The following PODXL variants were observed in gnomAD, a reference collection of about 807,000 sequenced individuals.
PODXL encodes the protein podocalyxin like, also known as podocalyxin.
Under a neutral mutation model 48.9 loss-of-function variants are expected in PODXL, and 20 were observed. The observed-to-expected ratio is 0.41, with a 90% CI of 0.29 to 0.59. The LOEUF (loss-of-function observed/expected upper bound fraction) is 0.59. Among genes scored for constraint, PODXL ranks in the 20% least tolerant of loss-of-function variants. The pLI, the probability that PODXL is intolerant of heterozygous loss-of-function variation, is 0.31. For missense variants in PODXL, 606 were observed against 675.1 expected (o/e 0.90, Z 1.13); for synonymous variants, 295 against 287.4 (o/e 1.03, Z -0.27).
At chr7:131,523,016 T>C (rs1321533484) in intron 1 of PODXL, among the ~76,000 whole-genome samples, 1 of 152,368 alleles carries the variant, frequency 6.6e-6, no homozygotes, top group East Asian at 1.9e-4. Flanking sequence ...TATGTGGACA[T>C]GTTTTCAATT....
chr7:131,548,184 C>A (rs936157178), intron 1 of PODXL, among the ~76,000 whole-genome samples: 7 of 152,224 alleles, frequency 4.6e-5, no homozygotes, highest in Non-Finnish European at 1.0e-4. Context: ...AGCTGTGTTT[C>A]CTGAGAGCTG....
At chr7:131,508,706 G>A (rs1407434691) in intron 5 of PODXL, among the ~76,000 whole-genome samples, 4 of 122,620 alleles carry the variant, frequency 3.3e-5, no homozygotes, top group Admixed American at 9.3e-5. Context: ...CGAGGAAACC[G>A]GGGGGTGGGA....
At chr7:131,533,504 G>A (rs1464221074) in intron 1 of PODXL, among the ~76,000 whole-genome samples, 3 of 151,882 alleles carry the variant, frequency 2.0e-5, no homozygotes, top group African/African-American at 7.3e-5. Flanking sequence ...CCCTGGGCAG[G>A]AGAGGGCTGC....
intron 1 of PODXL, among the ~76,000 whole-genome samples, chr7:131,515,616 T>C (rs947588120): frequency 6.6e-6 from 1 of 152,212 alleles, no homozygotes; most frequent in Non-Finnish European, 1.5e-5. Flanking sequence ...TTAGCCAGGC[T>C]GGTCTCGAAC....
At chr7:131,555,843 G>A (rs899133853) in intron 1 of PODXL, among the ~76,000 whole-genome samples, 4 of 152,228 alleles carry the variant, frequency 2.6e-5, no homozygotes, top group African/African-American at 7.2e-5. Context: ...CTGCCTCTTT[G>A]CCTGGAATTA....
intron 1 of PODXL, among the ~76,000 whole-genome samples, chr7:131,525,160 C>G (rs1798160753): frequency 6.6e-6 from 1 of 152,160 alleles, no homozygotes; most frequent in Non-Finnish European, 1.5e-5. Context: ...GACTCTGCAT[C>G]TGTTGAAACC....
rs11277659 is a variant in PODXL at position 131,556,270 on chromosome 7, GGGCGACGGCGAC to G, written c.78_89del (p.Pro28_Ser31del). 10,694 of 1,462,636 alleles carry G rather than the reference GGGCGACGGCGAC, an allele frequency of 7.3e-3. 662 individuals carry two copies. In the African/African-American group the frequency reaches 0.13, roughly 18 times the overall value. The allele number at this position is 1,462,636 out of a possible 1,614,324, so 90.6% of individuals were successfully genotyped here. On this transcript the variant is annotated inframe_deletion, in exon 1 of 9. Coordinates refer to ENST00000378555, the MANE Select transcript of PODXL (RefSeq NM_001018111.3). Reference sequence around the variant, plus strand: ...AGGCCGGCCACTCACCATTCTGGGAGGGCGACGGCGACGGCGACGGCGACGACGGCAGCAGCG... The same window carrying G: ...AGGCCGGCCACTCACCATTCTGGGAGGGCGACGGCGACGACGGCAGCAGCG...
Position 131,502,740 on chromosome 7 carries a change from C to CTCAA in PODXL, c.*1567_*1570dup, listed in dbSNP as rs1797728125. 1 of 152,684 alleles carries CTCAA rather than the reference C, an allele frequency of 6.5e-6. No homozygotes were observed. Among genetic ancestry groups the CTCAA allele is most frequent in the African/African-American group, 2.4e-5 (1 of 41,450 alleles). The allele number at this position is 152,684 out of a possible 1,614,324, so 9.5% of individuals were successfully genotyped here. A position where few individuals can be genotyped will look rare whatever the true frequency, so the allele number is the denominator to read the frequency against. On this transcript the variant is annotated 3_prime_UTR_variant, in exon 9 of 9. Transcript: ENST00000378555. ...AACATTCCACACAGGATTCCCCCTT[C>CTCAA]TCAATCAGATGAAACCTCACCATGC... is the stretch of plus-strand genomic sequence containing the variant.
chr7:131,527,405 A>C (rs1798205521), intron 1 of PODXL, among the ~76,000 whole-genome samples: 1 of 152,232 alleles, frequency 6.6e-6, no homozygotes, highest in African/African-American at 2.4e-5. Context: ...GATGTTACTA[A>C]AATTTTACAG....
chr7:131,555,159 C>T (rs889272599), intron 1 of PODXL, among the ~76,000 whole-genome samples: 2 of 152,156 alleles, frequency 1.3e-5, no homozygotes, highest in Admixed American at 6.5e-5. Flanking sequence ...AGAGTCCAGT[C>T]CCAAACTGCC....
intron 1 of PODXL, among the ~76,000 whole-genome samples, chr7:131,517,100 T>A (rs1798010600): frequency 6.6e-6 from 1 of 152,184 alleles, no homozygotes; most frequent in African/African-American, 2.4e-5. Flanking sequence ...GGGATATTGT[T>A]AAGAGGACTA....
At position 131,524,404 on chromosome 7, in the gene PODXL, A is replaced by AGAGAGAGAGAGAGAGAGAGAGG. The variant is rs1231572850; in HGVS notation, c.101-12972_101-12971insCCTCTCTCTCTCTCTCTCTCTC. On this transcript the variant is annotated intron_variant, in intron 1 of 8. Transcript: ENST00000378555. Reference sequence around the variant, plus strand: ...CAGAGAGAGAGAGAGAGAGAGAGAGAGAGAAAACAACAAGGAAAACTCAAC... The same window carrying AGAGAGAGAGAGAGAGAGAGAGG: ...CAGAGAGAGAGAGAGAGAGAGAGAGAGAGAGAGAGAGAGAGAGAGAGGGAGAAAACAACAAGGAAAACTCAAC... Among the ~76,000 whole-genome samples the AGAGAGAGAGAGAGAGAGAGAGG allele has an allele frequency of 1.6e-4, 24 of 149,046 alleles. No homozygotes were observed. The South Asian group carries it at 5.1e-3, about 32-fold the overall frequency.
At chr7:131,526,034 AG>A (rs1798180536) in intron 1 of PODXL, among the ~76,000 whole-genome samples, 1 of 152,222 alleles carries the variant, frequency 6.6e-6, no homozygotes, top group Non-Finnish European at 1.5e-5. Context: ...ATCTGGAAGC[AG>A]TGACAAACCA....
At chr7:131,506,523 G>GC in intron 6 of PODXL, 56 bp downstream of exon 6, 7 of 1,574,524 alleles carry the variant, frequency 4.4e-6, no homozygotes, top group East Asian at 2.2e-5. Context: ...GCTTCTGCAT[G>GC]CCCCCCATTC....
At chr7:131,527,900 CTTT>C (rs759943507) in intron 1 of PODXL, among the ~76,000 whole-genome samples, 2 of 116,538 alleles carry the variant, frequency 1.7e-5, no homozygotes. Flanking sequence ...TAGTCAGACA[CTTT>C]TTTTTTTTTT....
At chr7:131,509,157 C>T in intron 4 of PODXL, 129 bp from the exon 5 acceptor site, 2 of 925,070 alleles carry the variant, frequency 2.2e-6, no homozygotes, top group Non-Finnish European at 3.5e-6. Context: ...GGACCCATTC[C>T]AGAGCCAGGT....
intron 1 of PODXL, among the ~76,000 whole-genome samples, chr7:131,529,737 C>T (rs999069636): frequency 2.6e-5 from 4 of 152,196 alleles, no homozygotes; most frequent in South Asian, 4.2e-4. Context: ...ATCCTGCCCC[C>T]GCCTTGGACC....
chr7:131,540,658 C>A (rs1303789032), intron 1 of PODXL, among the ~76,000 whole-genome samples: 1 of 152,146 alleles, frequency 6.6e-6, no homozygotes, highest in African/African-American at 2.4e-5. Flanking sequence ...TCAAAAACAA[C>A]CTTGGTAAAT....
At chr7:131,535,140 T>A (rs779982777) in intron 1 of PODXL, among the ~76,000 whole-genome samples, 1 of 152,236 alleles carries the variant, frequency 6.6e-6, no homozygotes, top group African/African-American at 2.4e-5. Flanking sequence ...ACATGAGATA[T>A]GTGTTATTAT....
Sources: gnomAD v4.1 joint callset for allele counts (sites outside exome capture counted in the v4.1 genomes callset) on GRCh38, gnomAD v4.1.1 for gene constraint, MANE v1.5 for transcripts, NCBI Gene and HGNC (gene_info 2026-07-23, HGNC 2026-07-21) for gene names.